The following MFAP1 variants were observed in gnomAD, a reference collection of about 807,000 sequenced individuals.
The protein encoded by MFAP1 is microfibril associated protein 1, also known as microfibrillar-associated protein 1.
MFAP1 carries 18 observed loss-of-function variants against 62.2 expected under a neutral mutation model. The ratio of observed to expected loss-of-function variants is 0.29; its 90% CI spans 0.20 to 0.43. The LOEUF (loss-of-function observed/expected upper bound fraction) is 0.43. Ranked by LOEUF, MFAP1 falls within the 20% of genes least tolerant of loss-of-function variation. The probability of loss-of-function intolerance (pLI) is 1.00; values close to 1 mark genes in which losing one functional copy is unlikely to be tolerated. For missense variants in MFAP1, 355 were observed against 559.7 expected, an observed-to-expected ratio of 0.63 and a Z score of 3.69; for synonymous variants, 175 against 180.4, an observed-to-expected ratio of 0.97 and a Z score of 0.24.
In MFAP1 at chr15:43,812,994, G is replaced by C; in HGVS notation, c.880C>G (p.Arg294Gly). 1.2e-6 allele frequency: 2 copies of C among 1,613,936 alleles called. No homozygotes were observed. Among genetic ancestry groups the C allele is most frequent in the Non-Finnish European group, 8.5e-7 (1 of 1,180,000 alleles). Reference protein sequence around the residue: ...LKRIKRDREDREALEKEKAEI... With the variant: ...LKRIKRDREDGEALEKEKAEI... ...GCTCATCTTTTTACTCACGCTTCTCGATCTTCTCTGTCCCTCTTGATTCTT... is the reference window on the plus strand; with the variant it reads ...GCTCATCTTTTTACTCACGCTTCTCCATCTTCTCTGTCCCTCTTGATTCTT... The change falls in exon 6 of 9, where the codon CGA becomes GGA. Residue 294 changes from arginine to glycine, a missense_variant. By Grantham distance (125) the Arg-to-Gly change is moderately radical. Coordinates refer to ENST00000267812, the MANE Select transcript of MFAP1 (RefSeq NM_005926.3).
At chr15:43,818,424 G>A (rs1164032613) in intron 1 of MFAP1, among the ~76,000 whole-genome samples, 1 of 151,090 alleles carries the variant, frequency 6.6e-6, no homozygotes, top group African/African-American at 2.4e-5. Flanking sequence ...GAAAACTTTA[G>A]GTGGATTTCA....
At chr15:43,812,874 G>T in intron 6 of MFAP1, 113 bp downstream of exon 6, 3 of 1,242,192 alleles carry the variant, frequency 2.4e-6, no homozygotes, top group Non-Finnish European at 3.4e-6. Flanking sequence ...AAAGCAACAA[G>T]AACTCTGAAG....
At chr15:43,810,137 G>A in intron 6 of MFAP1, 1 of 468,616 alleles carries the variant, frequency 2.1e-6, no homozygotes, top group South Asian at 4.3e-5. Flanking sequence ...GTTGATTCTA[G>A]CCCTTCTGAC....
chr15:43,812,988 C>G lies in MFAP1; in HGVS notation c.886G>C (p.Ala296Pro). The change falls in exon 6 of 9, where the codon GCG (alanine) becomes CCG (proline). Residue 296 changes from alanine to proline, a missense_variant and splice_region_variant. By Grantham distance (27) the Ala-to-Pro change is conservative. Coordinates refer to ENST00000267812, the MANE Select transcript of MFAP1 (RefSeq NM_005926.3). The part of the protein sequence containing the change: ...RIKRDREDRE[A>P]LEKEKAEIER... ...CTCTAGGCTCATCTTTTTACTCACG[C>G]TTCTCGATCTTCTCTGTCCCTCTTG... The G allele has an allele frequency of 6.2e-7, 1 of 1,614,026 alleles. No individual in the cohort carries two copies. The highest frequency in any genetic ancestry group is 8.5e-7 in the Non-Finnish European group (1 of 1,179,992).
In MFAP1 at chr15:43,813,331, C is replaced by A. The variant is rs376271613; in HGVS notation, c.644G>T (p.Arg215Leu). The change falls in exon 5 of 9, where the codon CGT becomes CTT. Residue 215 changes from arginine (R) to leucine (L), a missense_variant. This residue lies in a region of MFAP1 where 257 missense variants were observed against 341.3 expected (regional missense o/e 0.75). Transcript: ENST00000267812. ...CTTCTGTTTCAATGCTTCGGCTTCA[C>A]GTTCTTGAACTGTCACTCGGTCCTT... ...RKKDRVTVQEREAEALKQKEL... is the reference protein window; with the variant it reads ...RKKDRVTVQELEAEALKQKEL... 6.2e-7 allele frequency: 1 copy of A among 1,609,722 alleles called. No individual in the cohort carries two copies. The highest frequency in any genetic ancestry group is 1.7e-5 in the Admixed American group (1 of 58,022).
Position 43,817,268 on chromosome 15 carries a change from C to T in MFAP1, c.260G>A (p.Arg87Gln), listed in dbSNP as rs763916423. The T allele has an allele frequency of 3.1e-6, 5 of 1,614,018 alleles. No individual in the cohort carries two copies. Among genetic ancestry groups the T allele is most frequent in the South Asian group, 1.1e-5 (1 of 91,084 alleles). Reference protein sequence around the residue: ...EEDSSSDPRLRRLQNRISEDV... With the variant: ...EEDSSSDPRLQRLQNRISEDV... ...TTCACTAATACGGTTCTGTAAACGC[C>T]GTAGCCGGGGGTCACTGGATGAATC... The change falls in exon 2 of 9, where the codon CGG (arginine) becomes CAG (glutamine). Residue 87 changes from arginine (R) to glutamine (Q), a missense_variant. This residue lies in a region of MFAP1 where 257 missense variants were observed against 341.3 expected (regional missense o/e 0.75). Coordinates refer to ENST00000267812, the MANE Select transcript of MFAP1 (RefSeq NM_005926.3).
intron 1 of MFAP1, among the ~76,000 whole-genome samples, chr15:43,823,488 T>G (rs1464554823): frequency 6.6e-6 from 1 of 151,998 alleles, no homozygotes; most frequent in Non-Finnish European, 1.5e-5. Context: ...GCAATTCTCC[T>G]GCCTCAGATT....
At chr15:43,817,871 G>A (rs2087443891) in intron 1 of MFAP1, among the ~76,000 whole-genome samples, 1 of 152,158 alleles carries the variant, frequency 6.6e-6, no homozygotes, top group Admixed American at 6.5e-5. Context: ...AGGCATTCTT[G>A]TAGTTCCCTC....
chr15:43,814,372 A>AG (rs1464494629), intron 4 of MFAP1, 129 bp downstream of exon 4: 8 of 973,264 alleles, frequency 8.2e-6, no homozygotes, highest in Non-Finnish European at 1.2e-5. Flanking sequence ...TGCCAAGGGT[A>AG]GAGCACTAGC....
Position 43,824,632 on chromosome 15 carries a change from G to C in MFAP1, c.-63C>G, listed in dbSNP as rs2087488052. ...ATTCCAAACAGTGAACACCAGCAAC[G>C]TCAACGAAGAGAAGAAATTCCTTCC... On this transcript the variant is annotated 5_prime_UTR_variant, in exon 1 of 9. Coordinates refer to ENST00000267812, the MANE Select transcript of MFAP1 (RefSeq NM_005926.3). The C allele has an allele frequency of 6.5e-7, 1 of 1,546,134 alleles. No homozygotes were observed. Among genetic ancestry groups the C allele is most frequent in the African/African-American group, 1.4e-5 (1 of 73,418 alleles).
At chr15:43,824,419 G>T in intron 1 of MFAP1, 72 bp downstream of exon 1, 4 of 1,523,838 alleles carry the variant, frequency 2.6e-6, no homozygotes, top group Non-Finnish European at 3.6e-6. Flanking sequence ...TGGTCTGTCC[G>T]GGAGAGGTCT....
In MFAP1 at chr15:43,817,408, C is replaced by T. The variant is rs781776313; in HGVS notation, c.120G>A (p.Val40=). Residue 40 remains valine (V), a synonymous_variant, in exon 2 of 9, where the codon GTG becomes GTA. Transcript: ENST00000267812. ...SMEKVKVKRY[V]SGKRPDYAPM... ...GGGCATAGTCTGGCCTTTTTCCGGA[C>T]ACATAACGCTTTACCTTCACTTTTT... The T allele has an allele frequency of 9.9e-6, 16 of 1,614,028 alleles. No homozygotes were observed. Among genetic ancestry groups the T allele is most frequent in the Non-Finnish European group, 1.3e-5 (15 of 1,180,046 alleles).
intron 7 of MFAP1, among the ~76,000 whole-genome samples, chr15:43,805,976 G>A (rs944655654): frequency 1.1e-4 from 16 of 141,700 alleles, no homozygotes; most frequent in African/African-American, 3.1e-4. Context: ...CTGAGACAGC[G>A]TCTCATTCTG....
Position 43,817,333 on chromosome 15 carries a change from T to C in MFAP1, c.195A>G (p.Lys65=), listed in dbSNP as rs1279324016. 1 of 1,614,160 alleles carries C rather than the reference T, an allele frequency of 6.2e-7. No homozygotes were observed. The highest frequency in any genetic ancestry group is 8.5e-7 in the Non-Finnish European group (1 of 1,180,042). Residue 65 remains lysine (K), a synonymous_variant, in exon 2 of 9, where the codon AAA becomes AAG. Transcript: ENST00000267812. ...CAGGCTCTGCTTCTTGTTCTTTGGC[T>C]TTCTTAATGAACTGAAATTCTTCAT... ...EEDEEFQFIK[K]AKEQEAEPEE...
At position 43,813,240 on chromosome 15, in the gene MFAP1, C is replaced by T. The variant is rs536461217; in HGVS notation, c.726+9G>A. 2 of 1,614,110 alleles carry T rather than the reference C, an allele frequency of 1.2e-6. No homozygotes were observed. The highest frequency in any genetic ancestry group is 1.7e-5 in the Admixed American group (1 of 59,992). On this transcript the variant is annotated intron_variant, in intron 5 of 8. Coordinates refer to ENST00000267812, the MANE Select transcript of MFAP1 (RefSeq NM_005926.3). The stretch of plus-strand genomic sequence containing the variant: ...CTTGTACTCATTCCTTGCAACCACT[C>T]CCCAGTACCTTGAGTGTGTACTTGC...
At position 43,809,869 on chromosome 15, in the gene MFAP1, A is replaced by G; in HGVS notation, c.933T>C (p.Thr311=). 6.2e-7 allele frequency: 1 copy of G among 1,614,168 alleles called. No homozygotes were observed. The highest frequency in any genetic ancestry group is 8.5e-7 in the Non-Finnish European group (1 of 1,180,026). The change falls in exon 7 of 9, where the codon ACT becomes ACC. Residue 311 remains threonine, a synonymous_variant. Coordinates refer to ENST00000267812, the MANE Select transcript of MFAP1 (RefSeq NM_005926.3). ...KAEIERMRNL[T]EEERRAELRA... ...GAAGTTCAGCTCTCCTCTCTTCCTCAGTCAGGTTTCGCATGCGTTCAATTT... is the reference window on the plus strand; with the variant it reads ...GAAGTTCAGCTCTCCTCTCTTCCTCGGTCAGGTTTCGCATGCGTTCAATTT...
At chr15:43,819,557 G>C (rs571148967) in intron 1 of MFAP1, among the ~76,000 whole-genome samples, 1 of 152,090 alleles carries the variant, frequency 6.6e-6, no homozygotes, top group African/African-American at 2.4e-5. Context: ...TTGAGATGGA[G>C]TCTCGCTCTG....
In MFAP1 at chr15:43,805,038, A is replaced by C; in HGVS notation, c.*56T>G. 3 of 1,498,996 alleles carry C rather than the reference A, an allele frequency of 2.0e-6. No individual in the cohort carries two copies. 92.9% of individuals were successfully genotyped at this position (1,498,996 alleles called of 1,614,324 possible). A position where few individuals can be genotyped will look rare whatever the true frequency, so the allele number is the denominator to read the frequency against. ...AAACAATGAAAAAACCAAATCAAGG[A>C]CCAGATGCTGAGACTCCCCTTGTGT... On this transcript the variant is annotated 3_prime_UTR_variant, in exon 9 of 9. Transcript: ENST00000267812.
At chr15:43,813,174 G>C in intron 5 of MFAP1, 27 bp from the exon 6 acceptor site, 1 of 1,613,858 alleles carries the variant, frequency 6.2e-7, no homozygotes, top group Non-Finnish European at 8.5e-7. Flanking sequence ...ATTCAGCTTG[G>C]ACTTCCTTAC....
Sources: allele counts gnomAD v4.1 joint callset (sites outside exome capture counted in the v4.1 genomes callset), GRCh38; gene constraint gnomAD v4.1.1; regional missense constraint gnomAD v4.1.1; transcripts MANE v1.5; gene names NCBI Gene and HGNC (gene_info 2026-07-23, HGNC 2026-07-21).